Variants in AKAP12 observed in about 807,000 individuals in gnomAD.
The protein encoded by AKAP12 is A-kinase anchoring protein 12.
A neutral mutation model predicts 79.9 loss-of-function variants in AKAP12; 32 were observed. That is an observed-to-expected ratio of 0.40 (90% CI 0.30 to 0.54). The LOEUF (loss-of-function observed/expected upper bound fraction) is 0.54. AKAP12 is among the 20% of genes least tolerant of loss of function. The pLI is 0.48. For synonymous variants in AKAP12, 808 were observed against 857.0 expected, an observed-to-expected ratio of 0.94 and a Z score of 1.00; for missense variants, 2,074 against 2,177.0, an observed-to-expected ratio of 0.95 and a Z score of 0.94.
In AKAP12 at chr6:151,353,659, T is replaced by C. The variant is rs554373322; in HGVS notation, c.5268T>C (p.Asp1756=). 2.5e-6 allele frequency: 4 copies of C among 1,613,938 alleles called. No individual in the cohort carries two copies. In the East Asian group the frequency reaches 8.9e-5, roughly 36 times the overall value. ...LQEGKVHSES[D]KAITPQAQEE... is the part of the protein sequence containing the mutation. Reference sequence around the variant, plus strand: ...AAGGAAAAGTGCACAGTGAATCAGATAAAGCGATCACACCCCAAGCACAGG... The same window carrying C: ...AAGGAAAAGTGCACAGTGAATCAGACAAAGCGATCACACCCCAAGCACAGG... The change falls in exon 4 of 5, where the codon GAT becomes GAC. Residue 1756 remains aspartate (D), a synonymous_variant. Coordinates refer to ENST00000402676, the MANE Select transcript of AKAP12 (RefSeq NM_005100.4).
At chr6:151,345,909 G>A (rs1378894227) in intron 3 of AKAP12, among the ~76,000 whole-genome samples, 4 of 126,710 alleles carry the variant, frequency 3.2e-5, no homozygotes, top group Admixed American at 8.4e-5. Context: ...GTGTGTGTGT[G>A]TGTGTGTGTG....
intron 2 of AKAP12, among the ~76,000 whole-genome samples, chr6:151,248,805 T>C (rs1193507688): frequency 3.9e-5 from 6 of 152,038 alleles, no homozygotes; most frequent in Non-Finnish European, 7.4e-5. Flanking sequence ...CTGGCCAACA[T>C]GGTGAAACCC....
chr6:151,321,909 T>G (rs111660769), intron 3 of AKAP12, among the ~76,000 whole-genome samples: 4 of 97,270 alleles, frequency 4.1e-5, no homozygotes, highest in African/African-American at 1.4e-4. Flanking sequence ...TTATGTTTTT[T>G]TTTTTTTTTT....
chr6:151,263,056 A>G (rs1451437467), intron 2 of AKAP12, among the ~76,000 whole-genome samples: 1 of 152,008 alleles, frequency 6.6e-6, no homozygotes, highest in African/African-American at 2.4e-5. Flanking sequence ...TTTGTTTTTT[A>G]TAGATGGGTG....
intron 3 of AKAP12, among the ~76,000 whole-genome samples, chr6:151,317,999 C>T (rs1312643054): frequency 6.6e-6 from 1 of 152,188 alleles, no homozygotes; most frequent in Non-Finnish European, 1.5e-5. Context: ...GCCCTGTGAC[C>T]TCACCGTGTA....
At chr6:151,339,979 T>G (rs222579) in intron 3 of AKAP12, among the ~76,000 whole-genome samples, 35,326 of 151,646 alleles carry the variant, frequency 0.23, 4,353 homozygotes, top group East Asian at 0.4. Flanking sequence ...CAGGCTGGAG[T>G]GCAGTGGCGC....
At position 151,303,260 on chromosome 6, in the gene AKAP12, C is replaced by G. The variant is rs878937609; in HGVS notation, c.163-2487C>G. On this transcript the variant is annotated intron_variant, in intron 2 of 4. Transcript: ENST00000402676. Reference sequence around the variant, plus strand: ...TGGGCTTTGTGGAGACACACTGCCCCCTTCTCCATTCCCTACCCCCTGCTT... The same window carrying G: ...TGGGCTTTGTGGAGACACACTGCCCGCTTCTCCATTCCCTACCCCCTGCTT... 2.6e-5 allele frequency among the ~76,000 whole-genome samples: 4 copies of G among 152,242 alleles called. No homozygotes were observed. The South Asian group carries it at 6.2e-4, about 24-fold the overall frequency.
chr6:151,255,632 T>A (rs1413642639), intron 2 of AKAP12, among the ~76,000 whole-genome samples: 1 of 151,870 alleles, frequency 6.6e-6, no homozygotes, highest in Non-Finnish European at 1.5e-5. Flanking sequence ...ACCCTGCCTC[T>A]ACAAGAAATT....
chr6:151,252,262 G>A (rs1458689817), intron 2 of AKAP12, among the ~76,000 whole-genome samples: 1 of 151,274 alleles, frequency 6.6e-6, no homozygotes, highest in South Asian at 2.1e-4. Flanking sequence ...GCAGCAGCGC[G>A]ATCTCAGCTT....
chr6:151,244,400 T>C (rs1344603099), intron 2 of AKAP12, among the ~76,000 whole-genome samples: 1 of 152,134 alleles, frequency 6.6e-6, no homozygotes, highest in East Asian at 1.9e-4. Context: ...GGCGGGCGCC[T>C]GTAGTCCCAG....
At position 151,247,198 on chromosome 6, in the gene AKAP12, C is replaced by T. The variant is rs188303372; in HGVS notation, c.162+6474C>T. On this transcript the variant is annotated intron_variant, in intron 2 of 4. Coordinates refer to ENST00000402676, the MANE Select transcript of AKAP12 (RefSeq NM_005100.4). ...AGGGAGGATCACTTGAGAGAAAGTT[C>T]AAGAGTGGCCTGGGCAACATAGCAA... Among the ~76,000 whole-genome samples the T allele has an allele frequency of 5.0e-3, 763 of 152,026 alleles. 1 individual carries two copies. The highest frequency in any genetic ancestry group is 7.9e-3 in the Non-Finnish European group (537 of 67,962).
In AKAP12 at chr6:151,350,810, A is replaced by G. The variant is rs143114701; in HGVS notation, c.2419A>G (p.Ile807Val). The change falls in exon 4 of 5, where the codon ATC (isoleucine) becomes GTC (valine). Residue 807 changes from isoleucine to valine, a missense_variant. By Grantham distance (29) the Ile-to-Val change is conservative. Transcript: ENST00000402676. This position sits in a 1 kb window ranked among gnomAD's most constrained non-coding sequence, Gnocchi z 4.8. ...EPGKEESWVS[I>V]KKFIPGRRKK... ...CGGTAAAGAAGAATCCTGGGTCTCA[A>G]TCAAGAAGTTTATTCCTGGACGAAG... is the stretch of plus-strand genomic sequence containing the variant. 1.5e-5 allele frequency: 24 copies of G among 1,614,096 alleles called. No homozygotes were observed. The highest frequency in any genetic ancestry group is 2.7e-5 in the African/African-American group (2 of 75,046).
chr6:151,283,343 C>G (rs1333380400), intron 2 of AKAP12, among the ~76,000 whole-genome samples: 1 of 152,106 alleles, frequency 6.6e-6, no homozygotes, highest in Non-Finnish European at 1.5e-5. Flanking sequence ...ATGAGGATGA[C>G]CAAGATGCAG....
chr6:151,348,681 C>CTCA, intron 3 of AKAP12, 30 bp from the exon 4 acceptor site: 2 of 218,346 alleles, frequency 9.2e-6, no homozygotes, highest in South Asian at 5.0e-5. Flanking sequence ...TTTCTCTTCT[C>CTCA]CCCACCCCCC....
chr6:151,306,311 G>A (rs76250798), intron 3 of AKAP12, among the ~76,000 whole-genome samples: 1 of 152,274 alleles, frequency 6.6e-6, no homozygotes, highest in East Asian at 1.9e-4. Context: ...AAACTATGAT[G>A]TGCTGCGTGT....
At chr6:151,337,524 A>AAAAAAAAAGAAAG (rs535027217) in intron 3 of AKAP12, among the ~76,000 whole-genome samples, 67 of 129,776 alleles carry the variant, frequency 5.2e-4, no homozygotes, top group South Asian at 3.5e-3. Flanking sequence ...AAAAAAAAAA[A>AAAAAAAAAGAAAG]AAAGAAAGAA....
intron 3 of AKAP12, among the ~76,000 whole-genome samples, chr6:151,339,692 C>T (rs906703336): frequency 4.6e-5 from 7 of 152,158 alleles, no homozygotes; most frequent in Admixed American, 1.3e-4. Flanking sequence ...ATTACAGTGT[C>T]ATGCAAAATG....
At chr6:151,344,360 C>T (rs1452373280) in intron 3 of AKAP12, among the ~76,000 whole-genome samples, 1 of 150,640 alleles carries the variant, frequency 6.6e-6, no homozygotes, top group African/African-American at 2.4e-5. Context: ...AATAAGAGGC[C>T]CAGATAACCT....
chr6:151,323,446 G>C (rs1777449479), intron 3 of AKAP12, among the ~76,000 whole-genome samples: 1 of 152,094 alleles, frequency 6.6e-6, no homozygotes, highest in Non-Finnish European at 1.5e-5. Flanking sequence ...AGCTACTTTT[G>C]GGAGGCTGAG....
Sources: allele counts gnomAD v4.1 joint callset (sites outside exome capture counted in the v4.1 genomes callset), GRCh38; gene constraint gnomAD v4.1.1; non-coding constraint Gnocchi (gnomAD v3.1); transcripts MANE v1.5; gene names NCBI Gene and HGNC (gene_info 2026-07-23, HGNC 2026-07-21).